Variants in ROBO1 observed in about 807,000 individuals in gnomAD.
ROBO1 encodes roundabout homolog 1.
Under a neutral mutation model 195.9 loss-of-function variants are expected in ROBO1, and 149 were observed. The ratio of observed to expected loss-of-function variants is 0.76; its 90% confidence interval spans 0.67 to 0.87. The LOEUF (loss-of-function observed/expected upper bound fraction) is 0.87. Ranked by LOEUF, ROBO1 falls within the 40% of genes least tolerant of loss-of-function variation. The pLI is 0.00. For missense variants in ROBO1, 1,933 were observed against 2,068.3 expected, an observed-to-expected ratio of 0.93 and a Z score of 1.27; for synonymous variants, 816 against 733.2, an observed-to-expected ratio of 1.11 and a Z score of -1.82.
chr3:78,868,010 T>C (rs1323063920), intron 4 of ROBO1, among the ~76,000 whole-genome samples: 4 of 152,152 alleles, frequency 2.6e-5, no homozygotes, highest in East Asian at 1.9e-4. Context: ...TCCCTGCTGA[T>C]AGAGTTGTAG....
chr3:79,383,296 GATT>G (rs1047330435), intron 2 of ROBO1, among the ~76,000 whole-genome samples: 22 of 151,880 alleles, frequency 1.4e-4, no homozygotes, highest in Admixed American at 1.3e-3. Flanking sequence ...TTATTTTATT[GATT>G]ATTATTATTA....
intron 2 of ROBO1, among the ~76,000 whole-genome samples, chr3:79,388,221 G>A (rs2036825696): frequency 6.6e-6 from 1 of 152,082 alleles, no homozygotes; most frequent in Non-Finnish European, 1.5e-5. Context: ...ACATATACTT[G>A]AGGTAAACTT....
At position 78,661,262 on chromosome 3, in the gene ROBO1, C is replaced by T. The variant is rs1299729583; in HGVS notation, c.2089-1G>A. 1.3e-6 allele frequency: 2 copies of T among 1,490,796 alleles called. No homozygotes were observed. Among genetic ancestry groups the T allele is most frequent in the East Asian group, 2.3e-5 (1 of 43,420 alleles). 92.3% of individuals were successfully genotyped at this position (1,490,796 alleles called of 1,614,324 possible). A position where few individuals can be genotyped will look rare whatever the true frequency, so the allele number is the denominator to read the frequency against. ...GTATATACTGAGACTGTTGATCTACCTATTAAAAAGACAAGTAAAATGTAA... is the reference window on the plus strand; with the variant it reads ...GTATATACTGAGACTGTTGATCTACTTATTAAAAAGACAAGTAAAATGTAA... On this transcript the variant is annotated splice_acceptor_variant, in intron 15 of 30. Transcript: ENST00000464233. LOFTEE classifies it high-confidence loss of function.
chr3:79,640,254 C>A lies in ROBO1; in HGVS notation c.-50-50293G>T, dbSNP rs369104952. ...AATATGAATTGCAGTAGTATGACTC[C>A]ATTTTTGAGTGTAATAATTATGACA... On this transcript the variant is annotated intron_variant, in intron 1 of 30. Transcript: ENST00000464233. 2.0e-4 allele frequency among the ~76,000 whole-genome samples: 31 copies of A among 152,058 alleles called. No individual in the cohort carries two copies. In the South Asian group the frequency reaches 4.2e-3, roughly 20 times the overall value.
At chr3:79,278,774 C>T (rs2031270174) in intron 2 of ROBO1, among the ~76,000 whole-genome samples, 1 of 151,812 alleles carries the variant, frequency 6.6e-6, no homozygotes, top group South Asian at 2.1e-4. Context: ...AGAACATTGG[C>T]CTGGGAAAAG....
At chr3:79,062,356 T>G (rs565922092) in intron 3 of ROBO1, among the ~76,000 whole-genome samples, 5 of 152,162 alleles carry the variant, frequency 3.3e-5, no homozygotes, top group African/African-American at 1.2e-4. Flanking sequence ...CAACAAATGA[T>G]GGAGATGATG....
At chr3:79,674,672 G>A (rs111524906) in intron 1 of ROBO1, among the ~76,000 whole-genome samples, 4 of 151,802 alleles carry the variant, frequency 2.6e-5, no homozygotes, top group African/African-American at 9.6e-5. Flanking sequence ...CTGTCTTTAT[G>A]TAACACTATC....
chr3:79,538,137 T>TA (rs1467418421), intron 2 of ROBO1, among the ~76,000 whole-genome samples: 9 of 152,174 alleles, frequency 5.9e-5, no homozygotes, highest in African/African-American at 2.2e-4. Context: ...CGACATTACA[T>TA]ATGCTATATA....
intron 4 of ROBO1, among the ~76,000 whole-genome samples, chr3:78,814,181 A>G (rs969948477): frequency 1.3e-5 from 2 of 152,028 alleles, no homozygotes; most frequent in Non-Finnish European, 2.9e-5. Context: ...TCTTTCTTTG[A>G]TTCTGAGGAA....
At chr3:79,536,873 T>G (rs1343335997) in intron 2 of ROBO1, among the ~76,000 whole-genome samples, 2 of 152,156 alleles carry the variant, frequency 1.3e-5, no homozygotes, top group African/African-American at 4.8e-5. Context: ...AAAGTCTGTG[T>G]CACTTTTTTC....
intron 3 of ROBO1, among the ~76,000 whole-genome samples, chr3:79,046,667 G>C (rs2078600134): frequency 6.6e-6 from 1 of 151,988 alleles, no homozygotes; most frequent in Non-Finnish European, 1.5e-5. Context: ...AGGGAGGCTA[G>C]GTCTGTCTCT....
At chr3:79,138,123 A>G (rs947423079) in intron 2 of ROBO1, among the ~76,000 whole-genome samples, 1 of 152,104 alleles carries the variant, frequency 6.6e-6, no homozygotes, top group Admixed American at 6.6e-5. Context: ...ACTGACTGAA[A>G]TCAAGATACA....
At chr3:78,805,036 C>T (rs1205914137) in intron 4 of ROBO1, among the ~76,000 whole-genome samples, 1 of 152,074 alleles carries the variant, frequency 6.6e-6, no homozygotes, top group Non-Finnish European at 1.5e-5. Flanking sequence ...TTAAATGCCC[C>T]TTTCCAAGTA....
chr3:79,497,257 A>G (rs774369681), intron 2 of ROBO1, among the ~76,000 whole-genome samples: 1 of 152,226 alleles, frequency 6.6e-6, no homozygotes, highest in Non-Finnish European at 1.5e-5. Context: ...AGAATGTGTA[A>G]TGAACAAATG....
chr3:78,662,755 G>A (rs1451054247), intron 14 of ROBO1, among the ~76,000 whole-genome samples: 2 of 152,116 alleles, frequency 1.3e-5, no homozygotes, highest in African/African-American at 2.4e-5. Context: ...TTTAATTGAT[G>A]ATCCTTTAGT....
intron 2 of ROBO1, among the ~76,000 whole-genome samples, chr3:79,353,394 GAAAC>G (rs995837615): frequency 2.8e-5 from 3 of 106,208 alleles, no homozygotes; most frequent in African/African-American, 1.0e-4. Flanking sequence ...GAAACACACA[GAAAC>G]AAACACACAC....
rs1368069806 is a variant in ROBO1, at chr3:79,718,163, A to G, written c.-51+49589T>C. The stretch of plus-strand genomic sequence containing the variant: ...ATAACATTATTTTATTACTAGTCCT[A>G]ATTTATTGAGTGAAAAGAAATTCAA... On this transcript the variant is annotated intron_variant, in intron 1 of 30. Coordinates refer to ENST00000464233, the MANE Select transcript of ROBO1 (RefSeq NM_002941.4). Among the ~76,000 whole-genome samples the G allele has an allele frequency of 3.3e-5, 5 of 152,132 alleles. No homozygotes were observed. In the South Asian group the frequency reaches 1.0e-3, roughly 31 times the overall value.
intron 2 of ROBO1, among the ~76,000 whole-genome samples, chr3:79,468,180 A>G (rs781198435): frequency 6.6e-6 from 1 of 152,240 alleles, no homozygotes; most frequent in Non-Finnish European, 1.5e-5. Flanking sequence ...TTCCATGAAA[A>G]TAAGTACACT....
chr3:78,668,467 C>T lies in ROBO1; in HGVS notation c.1630+17G>A, dbSNP rs1428702508. Reference sequence around the variant, plus strand: ...ATTTTAAGCTTCACTTTAAGGGAAACACACCATTTACTTTACCTTGAACTT... The same window carrying T: ...ATTTTAAGCTTCACTTTAAGGGAAATACACCATTTACTTTACCTTGAACTT... On this transcript the variant is annotated intron_variant, in intron 12 of 30. Coordinates refer to ENST00000464233, the MANE Select transcript of ROBO1 (RefSeq NM_002941.4). The T allele has an allele frequency of 1.2e-6, 2 of 1,613,066 alleles. No homozygotes were observed.
Sources: gnomAD v4.1 joint callset for allele counts (sites outside exome capture counted in the v4.1 genomes callset) on GRCh38, gnomAD v4.1.1 for gene constraint, MANE v1.5 for transcripts, NCBI Gene and HGNC (gene_info 2026-07-23, HGNC 2026-07-21) for gene names.